The following LRP1B variants were observed in gnomAD, a reference collection of about 807,000 sequenced individuals.
The protein encoded by LRP1B is low-density lipoprotein receptor-related protein 1B.
Under a neutral mutation model 556.6 loss-of-function variants are expected in LRP1B, and 217 were observed. The ratio of observed to expected loss-of-function variants is 0.39; its 90% CI spans 0.35 to 0.44. The LOEUF (loss-of-function observed/expected upper bound fraction) is 0.44, where lower values mean the gene tolerates loss of function less well. Ranked by LOEUF, LRP1B falls within the 20% of genes least tolerant of loss-of-function variation. The pLI is 1.00. For synonymous variants in LRP1B, 2,047 were observed against 1,865.8 expected (o/e 1.10, Z -2.50); for missense variants, 5,053 against 5,620.8 (o/e 0.90, Z 3.23).
chr2:141,700,287 T>C (rs1044517060), intron 2 of LRP1B, among the ~76,000 whole-genome samples: 9 of 151,842 alleles, frequency 5.9e-5, no homozygotes, highest in African/African-American at 2.4e-5. Context: ...TGGCAGACTG[T>C]AAACTCCATG....
intron 7 of LRP1B, among the ~76,000 whole-genome samples, chr2:141,185,225 A>G (rs992034008): frequency 3.9e-5 from 6 of 152,108 alleles, no homozygotes; most frequent in African/African-American, 1.4e-4. Flanking sequence ...ACAAAGGCAG[A>G]AGAAATATCC....
intron 2 of LRP1B, among the ~76,000 whole-genome samples, chr2:141,791,690 G>A (rs1207850626): frequency 6.6e-6 from 1 of 152,006 alleles, no homozygotes; most frequent in African/African-American, 2.4e-5. Context: ...CAACTAGTGT[G>A]GAATGAGAAC....
At chr2:141,416,949 G>A (rs1358570973) in intron 3 of LRP1B, among the ~76,000 whole-genome samples, 1 of 152,032 alleles carries the variant, frequency 6.6e-6, no homozygotes, top group Admixed American at 6.5e-5. Flanking sequence ...GGAACAAGTT[G>A]GAAAACCACT....
At chr2:140,784,342 C>A (rs1689812556) in intron 32 of LRP1B, among the ~76,000 whole-genome samples, 1 of 144,108 alleles carries the variant, frequency 6.9e-6, no homozygotes, top group Non-Finnish European at 1.5e-5. Context: ...TAGACCAATG[C>A]TCCGAAGAAA....
intron 1 of LRP1B, among the ~76,000 whole-genome samples, chr2:141,888,306 G>A (rs868552730): frequency 6.6e-6 from 1 of 152,198 alleles, no homozygotes; most frequent in Non-Finnish European, 1.5e-5. Context: ...CTCTGTGCCA[G>A]CTTCCAGTTC....
At chr2:140,505,666 T>C (rs1025023358) in intron 53 of LRP1B, among the ~76,000 whole-genome samples, 1 of 152,196 alleles carries the variant, frequency 6.6e-6, no homozygotes, top group Non-Finnish European at 1.5e-5. Context: ...TGATGTAGCC[T>C]TTAAAATATC....
At chr2:141,545,869 C>G (rs1685532013) in intron 2 of LRP1B, among the ~76,000 whole-genome samples, 1 of 152,094 alleles carries the variant, frequency 6.6e-6, no homozygotes, top group South Asian at 2.1e-4. Flanking sequence ...CCCACATATT[C>G]CATAAAGAAA....
chr2:141,007,320 C>T (rs1032271700), intron 14 of LRP1B, among the ~76,000 whole-genome samples: 4 of 151,492 alleles, frequency 2.6e-5, no homozygotes, highest in African/African-American at 7.3e-5. Flanking sequence ...ATTGAGTGCC[C>T]GTAGATCAGA....
intron 32 of LRP1B, among the ~76,000 whole-genome samples, chr2:140,806,887 ATG>A (rs1559130662): frequency 1.3e-5 from 2 of 152,346 alleles, no homozygotes; most frequent in East Asian, 3.9e-4. Flanking sequence ...TTTGTTTTAC[ATG>A]TGTATTTTCT....
intron 1 of LRP1B, among the ~76,000 whole-genome samples, chr2:142,003,414 C>CT (rs1013649248): frequency 6.6e-6 from 1 of 152,112 alleles, no homozygotes; most frequent in Non-Finnish European, 1.5e-5. Flanking sequence ...AGAACAGTGC[C>CT]TTTTTACCAA....
At chr2:140,970,889 T>A (rs1696400331) in intron 18 of LRP1B, among the ~76,000 whole-genome samples, 1 of 151,750 alleles carries the variant, frequency 6.6e-6, no homozygotes, top group Admixed American at 6.6e-5. Flanking sequence ...TACAGGCATA[T>A]ACCACCACAC....
intron 3 of LRP1B, among the ~76,000 whole-genome samples, chr2:141,438,941 C>T (rs1680864350): frequency 6.6e-6 from 1 of 152,018 alleles, no homozygotes; most frequent in African/African-American, 2.4e-5. Context: ...TTTAACAGAG[C>T]CTTCCTAAAT....
At chr2:141,975,945 T>C (rs903138450) in intron 1 of LRP1B, among the ~76,000 whole-genome samples, 4 of 152,166 alleles carry the variant, frequency 2.6e-5, no homozygotes, top group Admixed American at 1.3e-4. Context: ...CTGTTATTTA[T>C]GTACAGGGCT....
Position 141,779,520 on chromosome 2 carries a change from G to A in LRP1B, c.205+30759C>T, listed in dbSNP as rs948252759. On this transcript the variant is annotated intron_variant, in intron 2 of 90. Coordinates refer to ENST00000389484, the MANE Select transcript of LRP1B (RefSeq NM_018557.3). ...CTGCAACCTCTGCCCAGGTTCAAGCGATTCTGCTGCCTCAGCCTCCCAAGT... is the reference window on the plus strand; with the variant it reads ...CTGCAACCTCTGCCCAGGTTCAAGCAATTCTGCTGCCTCAGCCTCCCAAGT... 5.0e-4 allele frequency among the ~76,000 whole-genome samples: 75 copies of A among 150,448 alleles called. 2 individuals are homozygous for A. The highest frequency in any genetic ancestry group is 4.7e-3 in the Admixed American group (70 of 14,994).
Position 141,153,673 on chromosome 2 carries a change from C to T in LRP1B, c.1013+34748G>A, listed in dbSNP as rs751196953. ...CTTTACATATCTATTTCTCACATAG[C>T]GCAGTAAACTACCCTGTACATTTTT... On this transcript the variant is annotated intron_variant, in intron 7 of 90. Transcript: ENST00000389484. 3.9e-4 allele frequency among the ~76,000 whole-genome samples: 57 copies of T among 145,158 alleles called. 1 individual carries two copies. Among genetic ancestry groups the T allele is most frequent in the Admixed American group, 5.8e-4 (8 of 13,804 alleles).
intron 1 of LRP1B, among the ~76,000 whole-genome samples, chr2:141,887,971 T>A (rs936245175): frequency 6.6e-6 from 1 of 152,210 alleles, no homozygotes; most frequent in African/African-American, 2.4e-5. Context: ...TAAAGATGAT[T>A]TCCCTCTTAC....
At chr2:141,445,622 G>A (rs1036164474) in intron 3 of LRP1B, among the ~76,000 whole-genome samples, 2 of 152,130 alleles carry the variant, frequency 1.3e-5, no homozygotes, top group Non-Finnish European at 2.9e-5. Context: ...GGTATGTTGT[G>A]TCTTTGTTCT....
intron 66 of LRP1B, among the ~76,000 whole-genome samples, chr2:140,438,120 G>T (rs149511862): frequency 2.0e-5 from 3 of 152,044 alleles, no homozygotes; most frequent in Non-Finnish European, 2.9e-5. Flanking sequence ...GGGTTTAACC[G>T]ACCCTCCAGC....
chr2:140,800,065 G>T (rs879645148), intron 32 of LRP1B, among the ~76,000 whole-genome samples: 1 of 152,146 alleles, frequency 6.6e-6, no homozygotes, highest in Non-Finnish European at 1.5e-5. Context: ...ATACTATATT[G>T]CCATAAAAAA....
Sources: gnomAD v4.1 joint callset for allele counts (sites outside exome capture counted in the v4.1 genomes callset) on GRCh38, gnomAD v4.1.1 for gene constraint, MANE v1.5 for transcripts, NCBI Gene and HGNC (gene_info 2026-07-23, HGNC 2026-07-21) for gene names.